The following SLC28A3 variants were observed in gnomAD, a reference collection of about 807,000 sequenced individuals.
SLC28A3 encodes solute carrier family 28 member 3.
Under a neutral mutation model 84.2 loss-of-function variants are expected in SLC28A3, and 68 were observed. The observed-to-expected ratio is 0.81, with a 90% CI of 0.66 to 0.99. The LOEUF (loss-of-function observed/expected upper bound fraction) is 0.99, where lower values mean the gene tolerates loss of function less well. Ranked by LOEUF, SLC28A3 falls within the 50% of genes least tolerant of loss-of-function variation. The pLI is 0.00. For synonymous variants in SLC28A3, 267 were observed against 303.6 expected (o/e 0.88, Z 1.25); for missense variants, 712 against 841.5 (o/e 0.85, Z 1.90).
intron 5 of SLC28A3, among the ~76,000 whole-genome samples, chr9:84,301,346 T>G (rs1825625428): frequency 1.5e-5 from 1 of 65,556 alleles, no homozygotes; most frequent in Admixed American, 2.3e-4. Flanking sequence ...CAAGACTCTG[T>G]CTCAAAAAAA....
intron 1 of SLC28A3, among the ~76,000 whole-genome samples, chr9:84,317,103 T>G (rs1414273829): frequency 6.6e-6 from 1 of 152,148 alleles, no homozygotes. Flanking sequence ...CAAAGATAAG[T>G]AAATCACTTG....
At position 84,289,409 on chromosome 9, in the gene SLC28A3, GTCGGGGTGCACGCACCAGTTATAACAT is replaced by G. The variant is rs537866023; in HGVS notation, c.1149+718_1149+744del. On this transcript the variant is annotated intron_variant, in intron 11 of 17. Coordinates refer to ENST00000376238, the MANE Select transcript of SLC28A3 (RefSeq NM_001199633.2). ...TATGTGTGGCTTGTAAGCTCTATGG[GTCGGGGTGCACGCACCAGTTATAACAT>G]TCTCTAGCCTTATACTACAGACTGC... Among the ~76,000 whole-genome samples, 21 of 152,326 alleles carry G rather than the reference GTCGGGGTGCACGCACCAGTTATAACAT, an allele frequency of 1.4e-4. No individual in the cohort carries two copies. The East Asian group carries it at 3.9e-3, about 28-fold the overall frequency.
In SLC28A3 at chr9:84,306,307, G is replaced by A. The variant is rs796850386; in HGVS notation, c.243-962C>T. ...ACCTCAAAGGATGTGGCCCCAAGCT[G>A]GGAGACCTGCACTCCCCTTGGCCAG... On this transcript the variant is annotated intron_variant, in intron 3 of 17. Coordinates refer to ENST00000376238, the MANE Select transcript of SLC28A3 (RefSeq NM_001199633.2). Among the ~76,000 whole-genome samples the A allele has an allele frequency of 4.8e-4, 73 of 152,256 alleles. 1 individual carries two copies. Among genetic ancestry groups the A allele is most frequent in the African/African-American group, 1.7e-3 (70 of 41,550 alleles).
chr9:84,317,913 G>A (rs1826228827), intron 1 of SLC28A3, among the ~76,000 whole-genome samples: 1 of 152,106 alleles, frequency 6.6e-6, no homozygotes, highest in African/African-American at 2.4e-5. Flanking sequence ...TGGTGAATCT[G>A]ATCTCTCAAA....
At chr9:84,364,120 CTTTT>C in the SLC28A3 span, among the ~76,000 whole-genome samples, 5 of 85,288 alleles carry the variant, frequency 5.9e-5, no homozygotes, top group African/African-American at 1.6e-4. Context: ...CAGTTACACT[CTTTT>C]TTTTTTTTTT....
intron 11 of SLC28A3, among the ~76,000 whole-genome samples, chr9:84,288,442 G>A (rs1211156215): frequency 3.9e-5 from 6 of 152,112 alleles, no homozygotes; most frequent in Non-Finnish European, 8.8e-5. Flanking sequence ...AAATCTGATC[G>A]TTTCAGAAAA....
chr9:84,359,389 A>G, the SLC28A3 span, among the ~76,000 whole-genome samples: 1 of 152,248 alleles, frequency 6.6e-6, no homozygotes, highest in South Asian at 2.1e-4. Context: ...TGTAGTATTA[A>G]TAAAAGAAAA....
At chr9:84,361,604 G>A in the SLC28A3 span, among the ~76,000 whole-genome samples, 3 of 152,250 alleles carry the variant, frequency 2.0e-5, no homozygotes, top group East Asian at 5.8e-4. Flanking sequence ...TCCCGCGAGA[G>A]TGTTTTGTCC....
At chr9:84,285,634 C>T (rs1472308144) in intron 13 of SLC28A3, 92 bp from the exon 14 acceptor site, 6 of 1,306,326 alleles carry the variant, frequency 4.6e-6, no homozygotes, top group Non-Finnish European at 6.5e-6. Context: ...ACCCCTCTGT[C>T]TCCTTTAGGC....
chr9:84,357,055 T>C, the SLC28A3 span, among the ~76,000 whole-genome samples: 1 of 152,178 alleles, frequency 6.6e-6, no homozygotes, highest in South Asian at 2.1e-4. Context: ...ATTTATGCCA[T>C]TGGTTTCCTG....
chr9:84,313,868 G>GA (rs754131148), intron 1 of SLC28A3, among the ~76,000 whole-genome samples: 19,973 of 124,188 alleles, frequency 0.16, 1,472 homozygotes, highest in Non-Finnish European at 0.18. Context: ...GACTCTACCT[G>GA]AAAAAAAAAA....
chr9:84,300,512 A>G (rs969816083), intron 5 of SLC28A3, among the ~76,000 whole-genome samples: 1 of 152,222 alleles, frequency 6.6e-6, no homozygotes, highest in Non-Finnish European at 1.5e-5. Flanking sequence ...AAGCATGACA[A>G]ATCTGACTCA....
intron 11 of SLC28A3, among the ~76,000 whole-genome samples, chr9:84,288,868 G>A (rs1825101272): frequency 6.6e-6 from 1 of 152,024 alleles, no homozygotes; most frequent in Non-Finnish European, 1.5e-5. Context: ...TTTTAGATAG[G>A]GGATGGGGAG....
chr9:84,343,906 T>C (rs1827209297), upstream of SLC28A3, among the ~76,000 whole-genome samples: 1 of 151,920 alleles, frequency 6.6e-6, no homozygotes. Context: ...GTCTGGGCAA[T>C]GTAGGAAGAC....
chr9:84,314,957 A>C (rs1462300572), intron 1 of SLC28A3, among the ~76,000 whole-genome samples: 2 of 152,160 alleles, frequency 1.3e-5, no homozygotes, highest in Non-Finnish European at 2.9e-5. Flanking sequence ...GGTGCTTGTA[A>C]TCCCAACTAC....
At chr9:84,304,527 T>C (rs1365103324) in intron 4 of SLC28A3, among the ~76,000 whole-genome samples, 1 of 151,934 alleles carries the variant, frequency 6.6e-6, no homozygotes, top group Non-Finnish European at 1.5e-5. Context: ...GCTCTTTGTT[T>C]TGGAGGGAGT....
At chr9:84,282,169 T>C (rs1824780426) in intron 14 of SLC28A3, among the ~76,000 whole-genome samples, 1 of 151,932 alleles carries the variant, frequency 6.6e-6, no homozygotes, top group African/African-American at 2.4e-5. Flanking sequence ...TAAAAGAAAT[T>C]CTAGAATATG....
At chr9:84,309,535 A>C (rs2118388311) in intron 3 of SLC28A3, 94 bp downstream of exon 3, 2 of 740,316 alleles carry the variant, frequency 2.7e-6, no homozygotes, top group Non-Finnish European at 4.1e-6. Flanking sequence ...AAAAAAAAAA[A>C]AAAAAAAAAA....
chr9:84,310,441 TA>T, intron 2 of SLC28A3: 1 of 985,336 alleles, frequency 1.0e-6, no homozygotes, highest in Non-Finnish European at 1.2e-6. Flanking sequence ...ATGTCTCAAA[TA>T]ATAAGCCTGG....
Sources: gnomAD v4.1 joint callset for allele counts (sites outside exome capture counted in the v4.1 genomes callset) on GRCh38, gnomAD v4.1.1 for gene constraint, MANE v1.5 for transcripts, NCBI Gene and HGNC (gene_info 2026-07-23, HGNC 2026-07-21) for gene names.